The following SLC8A1 variants were observed in gnomAD, a reference collection of about 807,000 sequenced individuals.
SLC8A1 encodes sodium/calcium exchanger 1.
SLC8A1 carries 18 observed loss-of-function variants against 68.3 expected under a neutral mutation model. The ratio of observed to expected loss-of-function variants is 0.26; its 90% confidence interval spans 0.18 to 0.39. The LOEUF (loss-of-function observed/expected upper bound fraction) is 0.39, where lower values mean the gene tolerates loss of function less well. Among genes scored for constraint, SLC8A1 ranks in the 10% least tolerant of loss-of-function variants. The probability of loss-of-function intolerance (pLI) is 1.00; values close to 1 mark genes in which losing one functional copy is unlikely to be tolerated. For synonymous variants in SLC8A1, 475 were observed against 415.5 expected, an observed-to-expected ratio of 1.14 and a Z score of -1.74; for missense variants, 985 against 1,156.7, an observed-to-expected ratio of 0.85 and a Z score of 2.15.
At chr2:40,416,493 C>G (rs1053729350) in intron 2 of SLC8A1, among the ~76,000 whole-genome samples, 1 of 152,156 alleles carries the variant, frequency 6.6e-6, no homozygotes, top group Non-Finnish European at 1.5e-5. Flanking sequence ...TCACACTTTA[C>G]TCTAAATCTT....
intron 2 of SLC8A1, among the ~76,000 whole-genome samples, chr2:40,240,896 A>C (rs1014869787): frequency 6.6e-6 from 1 of 152,196 alleles, no homozygotes; most frequent in African/African-American, 2.4e-5. Flanking sequence ...AGTGACCCAC[A>C]TGTGTATTTG....
chr2:40,338,497 G>C (rs1294617126), intron 2 of SLC8A1, among the ~76,000 whole-genome samples: 1 of 152,106 alleles, frequency 6.6e-6, no homozygotes, highest in Non-Finnish European at 1.5e-5. Flanking sequence ...TGCAGCACAA[G>C]TCAACCCTCC....
At chr2:40,414,095 C>G (rs1190046867) in intron 2 of SLC8A1, among the ~76,000 whole-genome samples, 2 of 151,342 alleles carry the variant, frequency 1.3e-5, no homozygotes, top group South Asian at 2.1e-4. Context: ...CTTGGTTTCT[C>G]TAATATAAAT....
At chr2:40,192,928 C>T (rs1323955981) in intron 2 of SLC8A1, among the ~76,000 whole-genome samples, 5 of 152,130 alleles carry the variant, frequency 3.3e-5, no homozygotes, top group African/African-American at 1.2e-4. Flanking sequence ...AATGTCAGCT[C>T]TTCAGGCAGT....
intron 6 of SLC8A1, among the ~76,000 whole-genome samples, chr2:40,156,586 A>C (rs367826180): frequency 6.6e-6 from 1 of 152,060 alleles, no homozygotes; most frequent in Non-Finnish European, 1.5e-5. Context: ...TAGGAAAACA[A>C]ATTCTTCCCT....
At chr2:40,366,568 C>T (rs1676263105) in intron 2 of SLC8A1, among the ~76,000 whole-genome samples, 1 of 151,984 alleles carries the variant, frequency 6.6e-6, no homozygotes, top group Non-Finnish European at 1.5e-5. Flanking sequence ...TCTGTAGATG[C>T]AATTATCCTC....
chr2:40,305,611 G>C (rs971945130), intron 2 of SLC8A1, among the ~76,000 whole-genome samples: 2 of 152,156 alleles, frequency 1.3e-5, no homozygotes, highest in African/African-American at 2.4e-5. Context: ...AAGTTTGTTA[G>C]ATACACAAAT....
chr2:40,502,813 C>T (rs990857018), intron 1 of SLC8A1, among the ~76,000 whole-genome samples: 17 of 151,964 alleles, frequency 1.1e-4, no homozygotes, highest in Admixed American at 9.9e-4. Context: ...TGGTTAGAAC[C>T]CTTACCTCCT....
At chr2:40,191,409 A>G (rs897941269) in intron 2 of SLC8A1, among the ~76,000 whole-genome samples, 2 of 152,226 alleles carry the variant, frequency 1.3e-5, no homozygotes, top group Non-Finnish European at 2.9e-5. Context: ...TAAGCATCAC[A>G]AGATAAAATC....
intron 2 of SLC8A1, among the ~76,000 whole-genome samples, chr2:40,342,952 C>A (rs893832334): frequency 2.0e-5 from 3 of 152,024 alleles, no homozygotes; most frequent in African/African-American, 7.2e-5. Context: ...TCACAGTGTA[C>A]AATAAGAGAT....
At chr2:40,212,684 G>A (rs1205309235) in intron 2 of SLC8A1, among the ~76,000 whole-genome samples, 1 of 152,216 alleles carries the variant, frequency 6.6e-6, no homozygotes, top group Non-Finnish European at 1.5e-5. Flanking sequence ...AAGAAAGCAA[G>A]ATGGAGCATT....
chr2:40,100,698 C>T (rs1374939242), exon 8 of SLC8A1: 1 of 152,038 alleles, frequency 6.6e-6, no homozygotes, highest in African/African-American at 2.4e-5. Context: ...AGGAATGGGA[C>T]AATGGGGAAA....
At chr2:40,405,743 T>A (rs1559547892) in intron 2 of SLC8A1, among the ~76,000 whole-genome samples, 1 of 152,254 alleles carries the variant, frequency 6.6e-6, no homozygotes, top group East Asian at 1.9e-4. Flanking sequence ...AGCTAACAGG[T>A]GCCTTATTTT....
chr2:40,155,705 T>A (rs2044345580), intron 6 of SLC8A1, among the ~76,000 whole-genome samples: 1 of 152,192 alleles, frequency 6.6e-6, no homozygotes, highest in Non-Finnish European at 1.5e-5. Context: ...ATTAAATAAT[T>A]GAGGATATTA....
intron 2 of SLC8A1, among the ~76,000 whole-genome samples, chr2:40,327,760 A>C (rs1338068023): frequency 1.3e-5 from 2 of 152,126 alleles, no homozygotes; most frequent in Non-Finnish European, 2.9e-5. Flanking sequence ...CTCCAAAAGG[A>C]GGGAGGGAGA....
At chr2:40,397,303 G>A (rs576881718) in intron 2 of SLC8A1, among the ~76,000 whole-genome samples, 146 of 152,208 alleles carry the variant, frequency 9.6e-4, no homozygotes, top group African/African-American at 3.3e-3. Context: ...TGACTTTCAG[G>A]TCAGTTTTCT....
chr2:40,253,389 A>T (rs2063321172), intron 2 of SLC8A1, among the ~76,000 whole-genome samples: 1 of 151,654 alleles, frequency 6.6e-6, no homozygotes, highest in Non-Finnish European at 1.5e-5. Context: ...AAATCCTGTC[A>T]TTTGCAGCAA....
chr2:40,362,143 C>T (rs1488618313), intron 2 of SLC8A1, among the ~76,000 whole-genome samples: 5 of 151,832 alleles, frequency 3.3e-5, no homozygotes, highest in African/African-American at 9.7e-5. Context: ...AATCCACTTG[C>T]CTCAGCCTCC....
chr2:40,458,609 G>A (rs1477081466), intron 1 of SLC8A1, among the ~76,000 whole-genome samples: 2 of 152,046 alleles, frequency 1.3e-5, no homozygotes, highest in South Asian at 2.1e-4. Context: ...CCGGTGTTCT[G>A]CCTGGCCACC....
Sources: gnomAD v4.1 joint callset for allele counts (sites outside exome capture counted in the v4.1 genomes callset) on GRCh38, gnomAD v4.1.1 for gene constraint, MANE v1.5 for transcripts, NCBI Gene and HGNC (gene_info 2026-07-23, HGNC 2026-07-21) for gene names.